GUCY1A2: variants seen among roughly 807,000 people sequenced by gnomAD.
GUCY1A2 encodes the protein guanylate cyclase soluble subunit alpha-2.
Under a neutral mutation model 63.5 loss-of-function variants are expected in GUCY1A2, and 27 were observed. The ratio of observed to expected loss-of-function variants is 0.43; its 90% confidence interval spans 0.31 to 0.59. The LOEUF (loss-of-function observed/expected upper bound fraction) is 0.59. Among genes scored for constraint, GUCY1A2 ranks in the 20% least tolerant of loss-of-function variants. GUCY1A2 has a pLI of 0.11. For synonymous variants in GUCY1A2, 364 were observed against 343.5 expected (o/e 1.06, Z -0.66); for missense variants, 768 against 913.3 (o/e 0.84, Z 2.05).
intron 6 of GUCY1A2, among the ~76,000 whole-genome samples, chr11:106,737,062 G>A (rs1288857346): frequency 1.3e-5 from 2 of 152,138 alleles, no homozygotes; most frequent in Non-Finnish European, 2.9e-5. Flanking sequence ...ACCCATCCTA[G>A]TAGCAAATCC....
chr11:106,769,994 C>T (rs1041639459), intron 6 of GUCY1A2, among the ~76,000 whole-genome samples: 1 of 151,928 alleles, frequency 6.6e-6, no homozygotes, highest in African/African-American at 2.4e-5. Flanking sequence ...TTCACATCTG[C>T]ATGTTCAACC....
At chr11:106,904,718 G>T (rs1860180340) in intron 4 of GUCY1A2, among the ~76,000 whole-genome samples, 1 of 151,228 alleles carries the variant, frequency 6.6e-6, no homozygotes, top group Non-Finnish European at 1.5e-5. Context: ...TTTTATTTAG[G>T]TCCAAAATCT....
chr11:106,948,199 A>C (rs765945571), intron 3 of GUCY1A2, among the ~76,000 whole-genome samples: 1 of 152,176 alleles, frequency 6.6e-6, no homozygotes, highest in Non-Finnish European at 1.5e-5. Flanking sequence ...AAAAAAATTA[A>C]AATCACTCAA....
chr11:106,787,797 T>G (rs1243144270), intron 5 of GUCY1A2, among the ~76,000 whole-genome samples: 7 of 151,838 alleles, frequency 4.6e-5, no homozygotes, highest in Non-Finnish European at 8.8e-5. Flanking sequence ...GATGGACACT[T>G]AGGTTTCTTC....
rs1862434420 is a variant in GUCY1A2, at chr11:106,681,504, A to G, written c.*6045T>C. On this transcript the variant is annotated 3_prime_UTR_variant, in exon 8 of 8. Transcript: ENST00000526355. ...CACAAATCTCTTTGACAGGAATAGA[A>G]ATCATATTTTTATAGCCATGTTTAA... 4.5e-6 allele frequency: 1 copy of G among 220,438 alleles called. No homozygotes were observed. The highest frequency in any genetic ancestry group is 9.1e-6 in the Non-Finnish European group (1 of 109,962). 13.7% of individuals were successfully genotyped at this position (220,438 alleles called of 1,614,324 possible). A position where few individuals can be genotyped will look rare whatever the true frequency, so the allele number is the denominator to read the frequency against.
intron 5 of GUCY1A2, among the ~76,000 whole-genome samples, chr11:106,787,734 A>T (rs1368761561): frequency 1.3e-5 from 2 of 151,606 alleles, no homozygotes; most frequent in African/African-American, 2.4e-5. Flanking sequence ...TTTATGGCTG[A>T]ATAGTACCCC....
Position 106,685,549 on chromosome 11 carries a change from C to G in GUCY1A2, c.*2000G>C, listed in dbSNP as rs768145986. 8 of 227,330 alleles carry G rather than the reference C, an allele frequency of 3.5e-5. No individual in the cohort carries two copies. Among genetic ancestry groups the G allele is most frequent in the Middle Eastern group, 1.3e-3 (1 of 766 alleles). 14.1% of individuals were successfully genotyped at this position (227,330 alleles called of 1,614,324 possible). On this transcript the variant is annotated 3_prime_UTR_variant, in exon 8 of 8. Transcript: ENST00000526355. ...TTGATTTAATATACCATAATAAGTT[C>G]TAAGTTACTGAAGACAATAGGCATA...
chr11:106,778,294 T>C (rs1394494968), intron 5 of GUCY1A2, among the ~76,000 whole-genome samples: 2 of 152,334 alleles, frequency 1.3e-5, no homozygotes, highest in South Asian at 2.1e-4. Flanking sequence ...AAATAATTTC[T>C]CAAAGAACTA....
intron 3 of GUCY1A2, among the ~76,000 whole-genome samples, chr11:106,961,555 C>T (rs556090548): frequency 4.6e-5 from 7 of 152,214 alleles, no homozygotes; most frequent in African/African-American, 1.4e-4. Context: ...GAATCTAGTA[C>T]TTGGCAGGAA....
intron 1 of GUCY1A2, among the ~76,000 whole-genome samples, chr11:106,994,284 T>C (rs968346724): frequency 2.0e-5 from 3 of 152,224 alleles, no homozygotes; most frequent in Non-Finnish European, 4.4e-5. Flanking sequence ...ACAAAATGCA[T>C]GTTTGCTTTC....
intron 6 of GUCY1A2, among the ~76,000 whole-genome samples, chr11:106,729,972 C>T (rs1417821044): frequency 3.3e-5 from 5 of 149,288 alleles, no homozygotes; most frequent in African/African-American, 1.2e-4. Flanking sequence ...CTATTTTCTA[C>T]ATTGGCATAA....
intron 6 of GUCY1A2, among the ~76,000 whole-genome samples, chr11:106,717,448 GA>G (rs1863235676): frequency 6.6e-6 from 1 of 152,112 alleles, no homozygotes; most frequent in Admixed American, 6.5e-5. Flanking sequence ...ATTTATTCTG[GA>G]ATGTGCAAGT....
At chr11:106,912,221 C>G (rs1000117796) in intron 4 of GUCY1A2, among the ~76,000 whole-genome samples, 2 of 151,818 alleles carry the variant, frequency 1.3e-5, no homozygotes, top group Non-Finnish European at 2.9e-5. Context: ...TTAACCAGTT[C>G]TCAATGCAAA....
At chr11:106,827,100 T>C (rs547196739) in intron 4 of GUCY1A2, 2 of 1,487,982 alleles carry the variant, frequency 1.3e-6, no homozygotes, top group South Asian at 1.1e-5. Flanking sequence ...GAAGGTAGAT[T>C]TTCTTTACTT....
At chr11:106,828,855 T>TA (rs1266772181) in intron 4 of GUCY1A2, among the ~76,000 whole-genome samples, 1 of 152,218 alleles carries the variant, frequency 6.6e-6, no homozygotes, top group Non-Finnish European at 1.5e-5. Context: ...GTAAATACAT[T>TA]AATCAAAGAT....
chr11:106,778,448 A>G (rs112660083), intron 5 of GUCY1A2, among the ~76,000 whole-genome samples: 39 of 152,260 alleles, frequency 2.6e-4, no homozygotes, highest in Middle Eastern at 3.4e-3. Context: ...GACTATGTTC[A>G]GGAGATCAAG....
intron 4 of GUCY1A2, among the ~76,000 whole-genome samples, chr11:106,838,929 C>T (rs1859154974): frequency 6.6e-6 from 1 of 151,906 alleles, no homozygotes; most frequent in Non-Finnish European, 1.5e-5. Flanking sequence ...TGTAGGTTGC[C>T]TGTTCACTCT....
At chr11:106,783,112 C>A (rs541126166) in intron 5 of GUCY1A2, among the ~76,000 whole-genome samples, 1 of 152,312 alleles carries the variant, frequency 6.6e-6, no homozygotes, top group East Asian at 1.9e-4. Context: ...GATACACTGA[C>A]CCTCTTTGAA....
At chr11:106,993,981 G>A (rs2120162187) in intron 1 of GUCY1A2, among the ~76,000 whole-genome samples, 1 of 152,302 alleles carries the variant, frequency 6.6e-6, no homozygotes, top group East Asian at 1.9e-4. Context: ...TAAAAAGCTA[G>A]AGATGCACTA....
Sources: allele counts gnomAD v4.1 joint callset (sites outside exome capture counted in the v4.1 genomes callset), GRCh38; gene constraint gnomAD v4.1.1; transcripts MANE v1.5; gene names NCBI Gene and HGNC (gene_info 2026-07-23, HGNC 2026-07-21).